The following HSPA14 variants were observed in gnomAD, a reference collection of about 807,000 sequenced individuals.
The protein encoded by HSPA14 is heat shock 70 kDa protein 14.
HSPA14 carries 37 observed loss-of-function variants against 65.5 expected under a neutral mutation model. That is an observed-to-expected ratio of 0.56 (90% CI 0.43 to 0.74). The LOEUF is 0.74. Ranked by LOEUF, HSPA14 falls within the 30% of genes least tolerant of loss-of-function variation. The pLI, the probability that HSPA14 is intolerant of heterozygous loss-of-function variation, is 0.00. For missense variants in HSPA14, 564 were observed against 607.6 expected (o/e 0.93, Z 0.75); for synonymous variants, 203 against 214.2 (o/e 0.95, Z 0.46).
At chr10:14,867,010 G>T in intron 10 of HSPA14, 73 bp from the exon 11 acceptor site, 1 of 1,063,312 alleles carries the variant, frequency 9.4e-7, no homozygotes, top group Non-Finnish European at 1.4e-6. Context: ...AGATGACTCA[G>T]TCTATTACAC....
At chr10:14,840,344 T>C (rs1252544798) in intron 3 of HSPA14, among the ~76,000 whole-genome samples, 187 bp downstream of exon 3, 3 of 152,210 alleles carry the variant, frequency 2.0e-5, no homozygotes, top group Non-Finnish European at 2.9e-5. Flanking sequence ...TTCTCTGATA[T>C]GGGATTCACT....
rs188358184 is a variant in HSPA14, at chr10:14,848,581, A to G, written c.222-28A>G. On this transcript the variant is annotated intron_variant, in intron 3 of 13. Coordinates refer to ENST00000378372, the MANE Select transcript of HSPA14 (RefSeq NM_016299.4). The stretch of plus-strand genomic sequence containing the variant: ...ATCTACAATACTGATTTTAATACTT[A>G]GCTATCTTTATCTTTCTTTATGGAC... 138 of 1,552,534 alleles carry G rather than the reference A, an allele frequency of 8.9e-5. No homozygotes were observed. In the African/African-American group the frequency reaches 1.3e-3, roughly 15 times the overall value.
chr10:14,841,528 A>C (rs982406126), intron 3 of HSPA14, among the ~76,000 whole-genome samples: 1 of 152,214 alleles, frequency 6.6e-6, no homozygotes, highest in Admixed American at 6.5e-5. Context: ...CAGTGTCACA[A>C]CCAAGATGCT....
intron 10 of HSPA14, among the ~76,000 whole-genome samples, chr10:14,858,090 A>G: frequency 6.6e-6 from 1 of 152,102 alleles, no homozygotes; most frequent in East Asian, 1.9e-4. Context: ...ACTGGGCAAA[A>G]TGCTTCATTT....
intron 12 of HSPA14, among the ~76,000 whole-genome samples, chr10:14,868,878 G>A (rs920033611): frequency 3.9e-5 from 6 of 152,098 alleles, no homozygotes; most frequent in East Asian, 3.9e-4. Context: ...ACGGAGTCTC[G>A]CTCTCTTGCC....
intron 6 of HSPA14, 72 bp downstream of exon 6, chr10:14,849,883 A>T: frequency 2.2e-6 from 2 of 912,882 alleles, no homozygotes; most frequent in South Asian, 3.0e-5. Context: ...AAAAGGTAAC[A>T]TTGTATTTTA....
At chr10:14,849,257 G>T (rs1049134784) in intron 5 of HSPA14, among the ~76,000 whole-genome samples, 1 of 152,256 alleles carries the variant, frequency 6.6e-6, no homozygotes, top group African/African-American at 2.4e-5. Flanking sequence ...CAGCAGTTCA[G>T]ACGGAGGCTC....
At chr10:14,869,232 CGT>C (rs68155495) in intron 12 of HSPA14, among the ~76,000 whole-genome samples, 26,232 of 144,342 alleles carry the variant, frequency 0.18, 2,682 homozygotes, top group African/African-American at 0.3. Flanking sequence ...TGTACGTGTA[CGT>C]GTGTGTGTGT....
At chr10:14,843,311 G>C in intron 3 of HSPA14, 1 of 1,541,624 alleles carries the variant, frequency 6.5e-7, no homozygotes, top group Non-Finnish European at 8.8e-7. Context: ...TCTGCTGCTG[G>C]CTCCAAGCAT....
rs1007868581 is a variant in HSPA14, at chr10:14,842,385, A to G, written c.221+2228A>G. 1.3e-6 allele frequency: 2 copies of G among 1,536,062 alleles called. No individual in the cohort carries two copies. The highest frequency in any genetic ancestry group is 2.7e-5 in the African/African-American group (2 of 73,064). On this transcript the variant is annotated intron_variant, in intron 3 of 13. Coordinates refer to ENST00000378372, the MANE Select transcript of HSPA14 (RefSeq NM_016299.4). This position sits in a 1 kb window ranked among gnomAD's most constrained non-coding sequence, Gnocchi z 5.2. ...GAGGCAGAGTATATTCAGCGCCTCC[A>G]GACTGTGCATCACAATGCAGATGTC... is the stretch of plus-strand genomic sequence containing the variant.
chr10:14,854,322 A>G, intron 9 of HSPA14, 42 bp downstream of exon 9: 1 of 1,491,916 alleles, frequency 6.7e-7, no homozygotes. Context: ...AAATTCCAAG[A>G]ACATGTTTGT....
chr10:14,848,815 G>T lies in HSPA14; in HGVS notation c.296G>T (p.Arg99Leu). Residue 99 changes from arginine to leucine, a missense_variant, in exon 5 of 14, where the codon CGA becomes CTA. Coordinates refer to ENST00000378372, the MANE Select transcript of HSPA14 (RefSeq NM_016299.4). Reference sequence around the variant, plus strand: ...GTCATTGAAAAAAATGGGAAATTACGATATGAAATAGATACTGGAGAAGAA... The same window carrying T: ...GTCATTGAAAAAAATGGGAAATTACTATATGAAATAGATACTGGAGAAGAA... ...CLVIEKNGKL[R>L]YEIDTGEETK... is the part of the protein sequence containing the mutation. 3 of 1,575,996 alleles carry T rather than the reference G, an allele frequency of 1.9e-6. No individual in the cohort carries two copies. Among genetic ancestry groups the T allele is most frequent in the Non-Finnish European group, 2.6e-6 (3 of 1,153,974 alleles).
chr10:14,846,663 C>T (rs1418889437), intron 3 of HSPA14: 5 of 939,228 alleles, frequency 5.3e-6, no homozygotes, highest in East Asian at 1.2e-4. Context: ...GTCCTACCTA[C>T]CTCACAGGGG....
At chr10:14,849,401 T>TA (rs1834090402) in intron 5 of HSPA14, 2 of 509,662 alleles carry the variant, frequency 3.9e-6, no homozygotes, top group Non-Finnish European at 7.9e-6. Flanking sequence ...GAACTAACAT[T>TA]ATGACGTTGT....
intron 3 of HSPA14, among the ~76,000 whole-genome samples, chr10:14,841,689 T>A (rs1433099698): frequency 6.6e-6 from 1 of 152,102 alleles, no homozygotes; most frequent in Non-Finnish European, 1.5e-5. Context: ...AAAAAAAAAA[T>A]TTGTATTAGC....
chr10:14,848,559 T>A (rs781620850), intron 3 of HSPA14, 50 bp from the exon 4 acceptor site: 3 of 1,366,872 alleles, frequency 2.2e-6, no homozygotes, highest in Non-Finnish European at 3.1e-6. Flanking sequence ...TTTATATATC[T>A]ACAATACTGA....
intron 7 of HSPA14, 26 bp downstream of exon 7, chr10:14,851,349 G>A: frequency 1.6e-6 from 2 of 1,263,936 alleles, no homozygotes; most frequent in Non-Finnish European, 2.3e-6. Flanking sequence ...GCAGTTTTAG[G>A]TTTTTTGAGT....
Position 14,849,817 on chromosome 10 carries a change from T to A in HSPA14, c.467+6T>A. On this transcript the variant is annotated splice_donor_region_variant and intron_variant, in intron 6 of 13. Transcript: ENST00000378372. ...AAGCAAAAAAATGCTCTTGGGTAAG[T>A]ATATGGGGTTTATCTTACTGGCTTA... 1 of 1,562,538 alleles carries A rather than the reference T, an allele frequency of 6.4e-7. No individual in the cohort carries two copies. Among genetic ancestry groups the A allele is most frequent in the Non-Finnish European group, 8.8e-7 (1 of 1,135,578 alleles).
Position 14,854,140 on chromosome 10 carries a change from T to C in HSPA14, c.750T>C (p.Asp250=). The C allele has an allele frequency of 6.2e-7, 1 of 1,602,428 alleles. No individual in the cohort carries two copies. Among genetic ancestry groups the C allele is most frequent in the South Asian group, 1.1e-5 (1 of 87,868 alleles). Residue 250 remains aspartate, a synonymous_variant, in exon 9 of 14, where the codon GAT becomes GAC. Coordinates refer to ENST00000378372, the MANE Select transcript of HSPA14 (RefSeq NM_016299.4). ...ASEFQRSFKH[D]VRGNARAMMK... The stretch of plus-strand genomic sequence containing the variant: ...TTTAATTTAGATCCTTCAAACATGA[T>C]GTGAGAGGAAATGCGCGAGCCATGA...
Sources: gnomAD v4.1 joint callset for allele counts (sites outside exome capture counted in the v4.1 genomes callset) on GRCh38, gnomAD v4.1.1 for gene constraint, Gnocchi (gnomAD v3.1) non-coding constraint, MANE v1.5 for transcripts, NCBI Gene and HGNC (gene_info 2026-07-23, HGNC 2026-07-21) for gene names.